PSD3: variants seen among roughly 807,000 people sequenced by gnomAD.
PSD3 encodes pleckstrin and Sec7 domain containing 3.
Under a neutral mutation model 105.5 loss-of-function variants are expected in PSD3, and 49 were observed. The observed-to-expected ratio is 0.46, with a 90% CI of 0.37 to 0.59. PSD3 has a LOEUF of 0.59. Among genes scored for constraint, PSD3 ranks in the 20% least tolerant of loss-of-function variants. The pLI is 0.00. For missense variants in PSD3, 1,561 were observed against 1,263.8 expected (o/e 1.24, Z -3.57); for synonymous variants, 557 against 457.8 (o/e 1.22, Z -2.77).
intron 1 of PSD3, chr8:18,989,275 C>T (rs1426276917): frequency 6.6e-6 from 1 of 152,152 alleles, no homozygotes; most frequent in Non-Finnish European, 1.5e-5. Context: ...TGCCTTATTA[C>T]CTCAGATAGG....
chr8:18,992,654 T>C (rs1825865006), intron 1 of PSD3, among the ~76,000 whole-genome samples: 1 of 152,212 alleles, frequency 6.6e-6, no homozygotes, highest in Admixed American at 6.5e-5. Flanking sequence ...GGCTACTTCA[T>C]TTTGTTAACT....
At chr8:18,779,853 T>A (rs1808440080) in intron 8 of PSD3, among the ~76,000 whole-genome samples, 1 of 152,330 alleles carries the variant, frequency 6.6e-6, no homozygotes, top group African/African-American at 2.4e-5. Context: ...TAACAAATAG[T>A]CTAGCCTCAA....
chr8:18,775,679 G>A (rs563178338), intron 8 of PSD3, among the ~76,000 whole-genome samples: 7 of 152,034 alleles, frequency 4.6e-5, no homozygotes, highest in Non-Finnish European at 8.8e-5. Flanking sequence ...TTTTAAAATC[G>A]AGTTATTTGA....
chr8:19,081,263 C>T (rs534761338), intron 1 of PSD3, among the ~76,000 whole-genome samples: 6 of 152,348 alleles, frequency 3.9e-5, no homozygotes, highest in African/African-American at 9.6e-5. Context: ...TGGACTCATT[C>T]GTACAAGGTT....
chr8:18,851,457 T>A (rs561534902), intron 4 of PSD3, among the ~76,000 whole-genome samples: 1 of 152,294 alleles, frequency 6.6e-6, no homozygotes, highest in African/African-American at 2.4e-5. Flanking sequence ...GCAGGCTCTG[T>A]CTCCTCAGGA....
chr8:18,866,087 T>C (rs1816912656), intron 4 of PSD3, among the ~76,000 whole-genome samples: 1 of 152,186 alleles, frequency 6.6e-6, no homozygotes, highest in Admixed American at 6.5e-5. Context: ...AAACCATGTT[T>C]GGTCTGTAAT....
chr8:18,987,298 AT>A (rs1446264942), intron 1 of PSD3, among the ~76,000 whole-genome samples: 1 of 145,232 alleles, frequency 6.9e-6, no homozygotes, highest in Non-Finnish European at 1.5e-5. Context: ...TTTTATATAT[AT>A]TTTTTTAAGA....
In PSD3 at chr8:18,867,923, T is replaced by G. The variant is rs1420673708; in HGVS notation, c.1385A>C (p.Glu462Ala). 7 of 1,614,066 alleles carry G rather than the reference T, an allele frequency of 4.3e-6. No homozygotes were observed. The highest frequency in any genetic ancestry group is 8.5e-7 in the Non-Finnish European group (1 of 1,180,030). Residue 462 changes from glutamate (E) to alanine (A), a missense_variant, in exon 4 of 16, where the codon GAG (glutamate) becomes GCG (alanine). Transcript: ENST00000327040. The stretch of plus-strand genomic sequence containing the variant: ...GCTATCAGGCTCTGAGTATAATGTC[T>G]CCAGGGACTCTGCACTGTAGTATAA... ...TSLYYSAESL[E>A]TLYSEPDSYF...
chr8:18,961,267 T>C (rs999861369), intron 1 of PSD3, among the ~76,000 whole-genome samples: 1 of 152,210 alleles, frequency 6.6e-6, no homozygotes, highest in African/African-American at 2.4e-5. Context: ...TCTTTTTTAC[T>C]TTGACAACTC....
At chr8:18,944,704 G>C (rs560017131) in intron 1 of PSD3, among the ~76,000 whole-genome samples, 3 of 152,152 alleles carry the variant, frequency 2.0e-5, no homozygotes, top group African/African-American at 7.2e-5. Context: ...TAAATATCTT[G>C]TTTCACACCA....
intron 9 of PSD3, among the ~76,000 whole-genome samples, chr8:18,742,826 C>T (rs114915772): frequency 0.012 from 1,811 of 152,254 alleles, 37 homozygotes; most frequent in African/African-American, 0.041. Flanking sequence ...CATACCCATC[C>T]TTACCTAGGT....
chr8:18,706,921 T>C lies in PSD3; in HGVS notation c.2173-51236A>G, dbSNP rs1370476840. Among the ~76,000 whole-genome samples the C allele has an allele frequency of 5.3e-5, 8 of 152,284 alleles. No homozygotes were observed. The South Asian group carries it at 1.7e-3, about 32-fold the overall frequency. On this transcript the variant is annotated intron_variant, in intron 9 of 15. Transcript: ENST00000327040. ...TTATTTAAATTAATAAACTGGCATTTAAATTTAATTTTTATAAGGGAATGA... is the reference window on the plus strand; with the variant it reads ...TTATTTAAATTAATAAACTGGCATTCAAATTTAATTTTTATAAGGGAATGA...
chr8:18,673,203 CA>C (rs1446671286), intron 9 of PSD3, among the ~76,000 whole-genome samples: 3 of 126,034 alleles, frequency 2.4e-5, no homozygotes, highest in African/African-American at 1.1e-4. Flanking sequence ...CACACCCATC[CA>C]CACACACACA....
intron 9 of PSD3, among the ~76,000 whole-genome samples, chr8:18,754,111 C>T (rs776944033): frequency 8.5e-5 from 13 of 152,128 alleles, no homozygotes; most frequent in Admixed American, 1.3e-4. Flanking sequence ...AGGCCAGGTG[C>T]GGTGGCTCAC....
chr8:19,066,445 G>C (rs1025786851), intron 1 of PSD3, among the ~76,000 whole-genome samples: 1 of 152,180 alleles, frequency 6.6e-6, no homozygotes, highest in Non-Finnish European at 1.5e-5. Flanking sequence ...AGGGAGCAGA[G>C]GGTCAACCAA....
chr8:18,717,472 C>T (rs1179838620), intron 9 of PSD3, among the ~76,000 whole-genome samples: 1 of 151,860 alleles, frequency 6.6e-6, no homozygotes, highest in Admixed American at 6.6e-5. Flanking sequence ...ATTTGCTTTT[C>T]TTTATACAAT....
chr8:18,810,386 T>C (rs915255465), intron 4 of PSD3, among the ~76,000 whole-genome samples: 1 of 152,170 alleles, frequency 6.6e-6, no homozygotes, highest in Non-Finnish European at 1.5e-5. Flanking sequence ...CTGTAGCTAA[T>C]CCTGGAAAAA....
intron 4 of PSD3, among the ~76,000 whole-genome samples, chr8:18,813,682 G>C (rs1259667049): frequency 6.6e-6 from 1 of 152,188 alleles, no homozygotes; most frequent in Non-Finnish European, 1.5e-5. Flanking sequence ...ACTCCAGTTA[G>C]ACCACCCAAG....
At position 18,853,831 on chromosome 8, in the gene PSD3, G is replaced by A. The variant is rs189579622; in HGVS notation, c.1634+13843C>T. 5.3e-5 allele frequency among the ~76,000 whole-genome samples: 8 copies of A among 152,210 alleles called. 1 individual carries two copies. The highest frequency in any genetic ancestry group is 1.7e-4 in the African/African-American group (7 of 41,536). ...TAGGAACACCAAGCTATGTCTAAGC[G>A]CCTCAAAGAGCAGCACAACTCCACT... On this transcript the variant is annotated intron_variant, in intron 4 of 15. Coordinates refer to ENST00000327040, the MANE Select transcript of PSD3 (RefSeq NM_015310.4).
Sources: allele counts gnomAD v4.1 joint callset (sites outside exome capture counted in the v4.1 genomes callset), GRCh38; gene constraint gnomAD v4.1.1; transcripts MANE v1.5; gene names NCBI Gene and HGNC (gene_info 2026-07-23, HGNC 2026-07-21).